The following HOOK2 variants were observed in gnomAD, a reference collection of about 807,000 sequenced individuals.
HOOK2 encodes the protein protein Hook homolog 2.
Under a neutral mutation model 111.9 loss-of-function variants are expected in HOOK2, and 108 were observed. The observed-to-expected ratio is 0.96, with a 90% confidence interval of 0.83 to 1.13. HOOK2 has a LOEUF of 1.13. Ranked by LOEUF, HOOK2 falls within the 50% of genes most tolerant of loss-of-function variation. The probability of loss-of-function intolerance (pLI) is 0.00; values close to 1 mark genes in which losing one functional copy is unlikely to be tolerated. For synonymous variants in HOOK2, 405 were observed against 394.3 expected (o/e 1.03, Z -0.32); for missense variants, 978 against 951.3 (o/e 1.03, Z -0.37).
In HOOK2 at chr19:12,763,667, C is replaced by T. The variant is rs202175432; in HGVS notation, c.1938+1G>A. On this transcript the variant is annotated splice_donor_variant, in intron 21 of 22. Transcript: ENST00000397668. LOFTEE classifies it high-confidence loss of function. ...CAGCGTAAAGGGACGAGGACACCCA[C>T]CTCCAGGTGTCGGATGCGGACATCC... The T allele has an allele frequency of 6.8e-6, 11 of 1,613,962 alleles. No individual in the cohort carries two copies. Among genetic ancestry groups the T allele is most frequent in the African/African-American group, 2.7e-5 (2 of 75,056 alleles).
chr19:12,768,132 A>C lies in HOOK2; in HGVS notation c.1105-9T>G. 6.2e-7 allele frequency: 1 copy of C among 1,611,762 alleles called. No individual in the cohort carries two copies. ...CCCTGCAGTTCCTGCACCTGAACAC[A>C]GAGAGGGGAGGAATAAGGACAGCAG... On this transcript the variant is annotated splice_polypyrimidine_tract_variant and intron_variant, in intron 11 of 22. Coordinates refer to ENST00000397668, the MANE Select transcript of HOOK2 (RefSeq NM_013312.3).
At chr19:12,768,957 C>A (rs1455383615) in intron 11 of HOOK2, among the ~76,000 whole-genome samples, 3 of 150,142 alleles carry the variant, frequency 2.0e-5, no homozygotes, top group Non-Finnish European at 4.4e-5. Context: ...GCCACCAGCC[C>A]GGCTAATTTT....
intron 1 of HOOK2, chr19:12,775,177 C>G (rs1271813536): frequency 1.0e-6 from 1 of 985,084 alleles, no homozygotes; most frequent in Non-Finnish European, 1.2e-6. Flanking sequence ...TCACCTGTGT[C>G]CTCGCCCCAC....
In HOOK2 at chr19:12,767,309, G is replaced by A. The variant is rs553592223; in HGVS notation, c.1373+86C>T. On this transcript the variant is annotated intron_variant, in intron 14 of 22. Coordinates refer to ENST00000397668, the MANE Select transcript of HOOK2 (RefSeq NM_013312.3). ...AGCTGAGACCAAGCAACCGGGGCTA[G>A]CAGAAGATGGGAGGGCGGGAGCGGG... 8.9e-4 allele frequency: 1,025 copies of A among 1,154,566 alleles called. 2 individuals carry two copies. Among genetic ancestry groups the A allele is most frequent in the Middle Eastern group, 2.8e-3 (12 of 4,300 alleles). 71.5% of individuals were successfully genotyped at this position (1,154,566 alleles called of 1,614,324 possible). A position where few individuals can be genotyped will look rare whatever the true frequency, so the allele number is the denominator to read the frequency against.
chr19:12,776,563 C>G (rs1400288257), upstream of HOOK2, among the ~76,000 whole-genome samples: 2 of 150,942 alleles, frequency 1.3e-5, no homozygotes, highest in Non-Finnish European at 2.9e-5. Context: ...CGCCTGATTT[C>G]AGCTACTCGG....
upstream of HOOK2, among the ~76,000 whole-genome samples, chr19:12,778,086 C>T (rs1968560016): frequency 6.6e-6 from 1 of 151,124 alleles, no homozygotes; most frequent in African/African-American, 2.4e-5. Context: ...AACCCCTCCC[C>T]GGTAGACGGG....
intron 1 of HOOK2, 36 bp downstream of exon 1, chr19:12,775,369 G>T: frequency 6.2e-7 from 1 of 1,603,554 alleles, no homozygotes; most frequent in South Asian, 1.1e-5. Context: ...AGAGGAGCGG[G>T]CGCTCACCTT....
intron 11 of HOOK2, among the ~76,000 whole-genome samples, chr19:12,768,910 G>T (rs937783233): frequency 2.6e-5 from 4 of 151,232 alleles, no homozygotes; most frequent in Non-Finnish European, 5.9e-5. Flanking sequence ...CTATTCTCGT[G>T]CTTCAGCTTT....
Position 12,764,818 on chromosome 19 carries a change from C to T in HOOK2, c.1823G>A (p.Arg608His), listed in dbSNP as rs200402327. ...GGGAACACCCAGCGTCCTCACCATG[C>T]GGGCCTTGTCCACGTAGCGGCGGTA... ...ERYRRYVDKA[R>H]MVMQTMEPKQ... The change falls in exon 20 of 23, where the codon CGC (arginine) becomes CAC (histidine). Residue 608 changes from arginine (R) to histidine (H), a missense_variant. Physicochemically the swap from Arg to His is conservative, Grantham distance 29. Transcript: ENST00000397668. 96 of 1,613,140 alleles carry T rather than the reference C, an allele frequency of 6.0e-5. 1 individual carries two copies. The highest frequency in any genetic ancestry group is 1.7e-4 in the Middle Eastern group (1 of 5,852).
Position 12,770,988 on chromosome 19 carries a change from C to A in HOOK2, c.846G>T (p.Ala282=), listed in dbSNP as rs1282774028. ...GTGCCTCCTGGGCCAGGCTAGTCAGCGCCTGGTTCCGGTGCTGCAGCTCCG... is the reference window on the plus strand; with the variant it reads ...GTGCCTCCTGGGCCAGGCTAGTCAGAGCCTGGTTCCGGTGCTGCAGCTCCG... ...EVAELQHRNQ[A]LTSLAQEAQA... Residue 282 remains alanine, a synonymous_variant, in exon 10 of 23, where the codon GCG becomes GCT. Coordinates refer to ENST00000397668, the MANE Select transcript of HOOK2 (RefSeq NM_013312.3). The A allele has an allele frequency of 3.1e-6, 5 of 1,611,870 alleles. No individual in the cohort carries two copies. Among genetic ancestry groups the A allele is most frequent in the Middle Eastern group, 2.0e-4 (1 of 4,904 alleles).
At chr19:12,769,132 A>AT (rs1392514092) in intron 11 of HOOK2, among the ~76,000 whole-genome samples, 1 of 151,734 alleles carries the variant, frequency 6.6e-6, no homozygotes, top group Non-Finnish European at 1.5e-5. Context: ...CGCCCGGCTA[A>AT]TTTTTTGTAT....
In HOOK2 at chr19:12,767,394, C is replaced by A; in HGVS notation, c.1373+1G>T. 6.2e-7 allele frequency: 1 copy of A among 1,613,714 alleles called. No individual in the cohort carries two copies. The highest frequency in any genetic ancestry group is 8.5e-7 in the Non-Finnish European group (1 of 1,179,694). On this transcript the variant is annotated splice_donor_variant, in intron 14 of 22. Coordinates refer to ENST00000397668, the MANE Select transcript of HOOK2 (RefSeq NM_013312.3). LOFTEE classifies it high-confidence loss of function. ...CAGAGTTTTGAGTGACCCCAGGATA[C>A]CTGAGCTCCGCAGGCAGGATCTCTG...
chr19:12,792,143 AGGGGGCGGC>A (rs1968726906), intron 3 of HOOK2: 1 of 1,596,830 alleles, frequency 6.3e-7, no homozygotes, highest in Non-Finnish European at 8.5e-7. Context: ...CAGGGGGCGC[AGGGGGCGGC>A]GTCACCGAGG....
chr19:12,771,698 C>A, intron 7 of HOOK2: 1 of 553,616 alleles, frequency 1.8e-6, no homozygotes, highest in East Asian at 3.1e-5. Flanking sequence ...GCCTGCCCAA[C>A]GTGGCGAACC....
At chr19:12,775,104 G>T (rs560582480) in intron 1 of HOOK2, 5 of 860,828 alleles carry the variant, frequency 5.8e-6, no homozygotes, top group African/African-American at 3.7e-5. Context: ...AACCCTGCGC[G>T]TCCAGGCCAG....
chr19:12,773,231 C>CTTTTTTTTTTTTTTTTTTTTTTTTT, intron 3 of HOOK2, 187 bp from the exon 4 acceptor site: 1 of 226,718 alleles, frequency 4.4e-6, no homozygotes, highest in Non-Finnish European at 8.2e-6. Flanking sequence ...ATCTTTGTTT[C>CTTTTTTTTTTTTTTTTTTTTTTTTT]TTTTTTTTTT....
At chr19:12,781,465 C>T (rs12982482), upstream of HOOK2, among the ~76,000 whole-genome samples, 19 of 149,334 alleles carry the variant, frequency 1.3e-4, no homozygotes, top group South Asian at 2.1e-4. Flanking sequence ...TAGCTGGGAC[C>T]ACAGGCGCCC....
intron 13 of HOOK2, 100 bp from the exon 14 acceptor site, chr19:12,767,564 C>T (rs1229670723): frequency 9.2e-7 from 1 of 1,092,578 alleles, no homozygotes; most frequent in African/African-American, 1.6e-5. Context: ...TCAAGTTCAG[C>T]CAACAGTCTG....
At chr19:12,766,477 G>A in intron 14 of HOOK2, 1 of 492,988 alleles carries the variant, frequency 2.0e-6, no homozygotes, top group Non-Finnish European at 3.5e-6. Context: ...CTACAAGAGT[G>A]GATTCGAACA....
Sources: allele counts gnomAD v4.1 joint callset (sites outside exome capture counted in the v4.1 genomes callset), GRCh38; gene constraint gnomAD v4.1.1; transcripts MANE v1.5; gene names NCBI Gene and HGNC (gene_info 2026-07-23, HGNC 2026-07-21).